CACNA2D3: variants seen among roughly 807,000 people sequenced by gnomAD.
CACNA2D3 encodes voltage-dependent calcium channel subunit alpha-2/delta-3.
CACNA2D3 carries 60 observed loss-of-function variants against 160.6 expected under a neutral mutation model. That is an observed-to-expected ratio of 0.37 (90% CI 0.30 to 0.46). The LOEUF is 0.46. Ranked by LOEUF, CACNA2D3 falls within the 20% of genes least tolerant of loss-of-function variation. The pLI, the probability that CACNA2D3 is intolerant of heterozygous loss-of-function variation, is 1.00. For missense variants in CACNA2D3, 1,205 were observed against 1,365.0 expected, an observed-to-expected ratio of 0.88 and a Z score of 1.85; for synonymous variants, 558 against 492.9, an observed-to-expected ratio of 1.13 and a Z score of -1.75.
At chr3:55,006,981 G>C (rs778921553) in intron 32 of CACNA2D3, among the ~76,000 whole-genome samples, 1 of 152,116 alleles carries the variant, frequency 6.6e-6, no homozygotes, top group Non-Finnish European at 1.5e-5. Context: ...CCCAGAGCCC[G>C]GGATTTGCCA....
chr3:54,584,768 C>G (rs1484783469), intron 9 of CACNA2D3, among the ~76,000 whole-genome samples: 2 of 152,068 alleles, frequency 1.3e-5, no homozygotes, highest in African/African-American at 4.8e-5. Context: ...AATCTAGAAA[C>G]AGCCAGAGAG....
intron 2 of CACNA2D3, among the ~76,000 whole-genome samples, chr3:54,271,543 T>C (rs1340061172): frequency 6.6e-6 from 1 of 152,252 alleles, no homozygotes; most frequent in African/African-American, 2.4e-5. Context: ...TTTCTTTACT[T>C]GTCATACAGA....
At chr3:54,664,045 A>G (rs1196538271) in intron 11 of CACNA2D3, among the ~76,000 whole-genome samples, 1 of 152,216 alleles carries the variant, frequency 6.6e-6, no homozygotes, top group Non-Finnish European at 1.5e-5. Flanking sequence ...AAGTGTGGAG[A>G]GTGGAAAATC....
At chr3:54,425,419 C>T (rs926888665) in intron 4 of CACNA2D3, among the ~76,000 whole-genome samples, 1 of 152,204 alleles carries the variant, frequency 6.6e-6, no homozygotes, top group African/African-American at 2.4e-5. Context: ...AATTCTTAGG[C>T]AAGTTACTAA....
At chr3:55,006,138 A>G (rs1703088150) in intron 32 of CACNA2D3, among the ~76,000 whole-genome samples, 1 of 152,224 alleles carries the variant, frequency 6.6e-6, no homozygotes, top group African/African-American at 2.4e-5. Context: ...ATATTTCCAG[A>G]CATTAAAGGT....
chr3:54,638,542 GAGGA>G (rs1699430846), intron 10 of CACNA2D3: 2 of 151,884 alleles, frequency 1.3e-5, no homozygotes, highest in Non-Finnish European at 2.9e-5. Flanking sequence ...GCAGCCTGGG[GAGGA>G]AGGGAGAGGT....
intron 2 of CACNA2D3, among the ~76,000 whole-genome samples, chr3:54,245,858 T>G (rs1326584208): frequency 6.6e-6 from 1 of 152,232 alleles, no homozygotes; most frequent in Admixed American, 6.5e-5. Context: ...TAAAAGAGTG[T>G]ATTGTCAAGA....
intron 2 of CACNA2D3, among the ~76,000 whole-genome samples, chr3:54,138,345 T>C (rs1200866097): frequency 6.6e-6 from 1 of 152,122 alleles, no homozygotes; most frequent in African/African-American, 2.4e-5. Flanking sequence ...GGGGAGGACA[T>C]GTGAGAGAGA....
chr3:54,707,460 A>G (rs1043944043), intron 11 of CACNA2D3, among the ~76,000 whole-genome samples: 11 of 152,336 alleles, frequency 7.2e-5, no homozygotes, highest in African/African-American at 2.4e-4. Context: ...ATTCACACCC[A>G]TGTCCCAGTA....
chr3:54,563,070 G>C lies in CACNA2D3; in HGVS notation c.676+139G>C, dbSNP rs77192793. Reference sequence around the variant, plus strand: ...AAGATGAATTCCAAACCTATTGTCAGGGTGCAGGACAGGAATGGCAAGGTG... The same window carrying C: ...AAGATGAATTCCAAACCTATTGTCACGGTGCAGGACAGGAATGGCAAGGTG... On this transcript the variant is annotated intron_variant, in intron 6 of 37. Coordinates refer to ENST00000474759, the MANE Select transcript of CACNA2D3 (RefSeq NM_018398.3). 2,459 of 785,894 alleles carry C rather than the reference G, an allele frequency of 3.1e-3. 47 individuals carry two copies. The African/African-American group carries it at 0.04, about 13-fold the overall frequency. 48.7% of individuals were successfully genotyped at this position (785,894 alleles called of 1,614,324 possible).
At chr3:54,350,968 G>GTGTTTTTTTTTTTTTTTTTTTTT (rs1698542910) in intron 3 of CACNA2D3, among the ~76,000 whole-genome samples, 1 of 56,106 alleles carries the variant, frequency 1.8e-5, no homozygotes, top group African/African-American at 6.4e-5. Flanking sequence ...TCTTGAGTCT[G>GTGTTTTTTTTTTTTTTTTTTTTT]TTTTTTTTTT....
chr3:55,060,172 A>G (rs6763511), intron 35 of CACNA2D3, among the ~76,000 whole-genome samples: 18,771 of 151,980 alleles, frequency 0.12, 2,088 homozygotes, highest in East Asian at 0.28. Context: ...GGCAGGCTCT[A>G]TTGCCTGAGA....
intron 4 of CACNA2D3, among the ~76,000 whole-genome samples, chr3:54,403,356 A>G (rs1412684253): frequency 1.5e-5 from 2 of 137,602 alleles, no homozygotes; most frequent in Non-Finnish European, 3.1e-5. Context: ...CCCTATCTCA[A>G]ACACACACAC....
intron 10 of CACNA2D3, chr3:54,638,692 G>A (rs912760464): frequency 3.9e-5 from 6 of 151,980 alleles, no homozygotes; most frequent in African/African-American, 1.5e-4. Context: ...AGGGACTGAT[G>A]TGTAAAAGAA....
intron 2 of CACNA2D3, among the ~76,000 whole-genome samples, chr3:54,134,381 A>G (rs998435804): frequency 1.2e-4 from 19 of 152,150 alleles, no homozygotes; most frequent in African/African-American, 4.6e-4. Flanking sequence ...TGTGGCACTT[A>G]GCACAGAGCG....
chr3:54,941,606 T>C (rs939748890), intron 27 of CACNA2D3, among the ~76,000 whole-genome samples: 1 of 152,230 alleles, frequency 6.6e-6, no homozygotes. Flanking sequence ...ATGCCCCATA[T>C]TGTTTTCATT....
At chr3:54,798,900 G>C (rs1216073567) in intron 13 of CACNA2D3, among the ~76,000 whole-genome samples, 2 of 152,306 alleles carry the variant, frequency 1.3e-5, no homozygotes, top group Non-Finnish European at 2.9e-5. Context: ...TTTTGCCCTT[G>C]CTCCATTACT....
chr3:54,717,242 G>C (rs1701067301), intron 11 of CACNA2D3, among the ~76,000 whole-genome samples: 1 of 152,238 alleles, frequency 6.6e-6, no homozygotes, highest in African/African-American at 2.4e-5. Context: ...TGGATATGTA[G>C]ACTCTTTCCA....
At chr3:54,608,222 T>C (rs77411852) in intron 9 of CACNA2D3, among the ~76,000 whole-genome samples, 5,210 of 152,304 alleles carry the variant, frequency 0.034, 292 homozygotes, top group African/African-American at 0.12. Flanking sequence ...GTCAGTTTCC[T>C]GGGTTTGAAT....
Sources: allele counts gnomAD v4.1 joint callset (sites outside exome capture counted in the v4.1 genomes callset), GRCh38; gene constraint gnomAD v4.1.1; transcripts MANE v1.5; gene names NCBI Gene and HGNC (gene_info 2026-07-23, HGNC 2026-07-21).